The following SNED1 variants were observed in gnomAD, a reference collection of about 807,000 sequenced individuals.
The protein encoded by SNED1 is sushi, nidogen and EGF-like domain-containing protein 1.
SNED1 carries 81 observed loss-of-function variants against 166.7 expected under a neutral mutation model. The ratio of observed to expected loss-of-function variants is 0.49; its 90% CI spans 0.41 to 0.58. The LOEUF is 0.58. SNED1 is among the 20% of genes least tolerant of loss of function. The pLI, the probability that SNED1 is intolerant of heterozygous loss-of-function variation, is 0.00. For missense variants in SNED1, 1,604 were observed against 2,000.2 expected, an observed-to-expected ratio of 0.80 and a Z score of 3.78; for synonymous variants, 762 against 822.0, an observed-to-expected ratio of 0.93 and a Z score of 1.25.
chr2:241,027,253 G>A (rs902864279), intron 1 of SNED1, among the ~76,000 whole-genome samples: 2 of 152,054 alleles, frequency 1.3e-5, no homozygotes, highest in African/African-American at 4.8e-5. Context: ...GCTAATGTTT[G>A]TATTTTTAGT....
At chr2:241,007,885 G>A (rs1212879275) in intron 1 of SNED1, among the ~76,000 whole-genome samples, 1 of 152,198 alleles carries the variant, frequency 6.6e-6, no homozygotes, top group Non-Finnish European at 1.5e-5. Flanking sequence ...ATGTGTGTCT[G>A]TCCTACACGG....
At position 241,094,363 on chromosome 2, in the gene SNED1, G is replaced by T. The variant is rs372510670; in HGVS notation, c.*2727G>T. The T allele has an allele frequency of 6.2e-5, 29 of 470,752 alleles. 2 individuals carry two copies. The highest frequency in any genetic ancestry group is 2.8e-4 in the East Asian group (4 of 14,406). The allele number at this position is 470,752 out of a possible 1,614,324, so 29.2% of individuals were successfully genotyped here. ...ACTCAACTGTGGCGATGTGGACGGAGTCACCGAGCTGCTTTTCTTTTGCAA... is the reference window on the plus strand; with the variant it reads ...ACTCAACTGTGGCGATGTGGACGGATTCACCGAGCTGCTTTTCTTTTGCAA... On this transcript the variant is annotated 3_prime_UTR_variant, in exon 32 of 32. Coordinates refer to ENST00000310397, the MANE Select transcript of SNED1 (RefSeq NM_001080437.3). The surrounding 1 kb of genome is among the most constrained non-coding windows in gnomAD (Gnocchi z 4.3).
chr2:241,077,658 A>G (rs1180883390), intron 27 of SNED1, among the ~76,000 whole-genome samples: 2 of 152,192 alleles, frequency 1.3e-5, no homozygotes, highest in Non-Finnish European at 2.9e-5. Flanking sequence ...TAAACAATAA[A>G]AAGACAACCC....
intron 27 of SNED1, 46 bp from the exon 28 acceptor site, chr2:241,081,631 T>C (rs1242571581): frequency 7.2e-7 from 1 of 1,392,628 alleles, no homozygotes. Flanking sequence ...GAGGCAGGCC[T>C]GTCCTGGGGT....
chr2:241,045,191 G>T (rs962996746), intron 8 of SNED1, among the ~76,000 whole-genome samples: 1 of 152,236 alleles, frequency 6.6e-6, no homozygotes, highest in Non-Finnish European at 1.5e-5. Context: ...CATGTTCATG[G>T]ATTAGAAGAC....
intron 6 of SNED1, among the ~76,000 whole-genome samples, chr2:241,037,719 A>G (rs60715279): frequency 0.25 from 37,319 of 152,176 alleles, 6,557 homozygotes; most frequent in African/African-American, 0.5. Context: ...ACCCCCTCTC[A>G]GCCCAGGACC....
intron 24 of SNED1, among the ~76,000 whole-genome samples, chr2:241,071,132 G>A (rs1228841808): frequency 1.3e-5 from 2 of 152,196 alleles, no homozygotes; most frequent in African/African-American, 2.4e-5. Flanking sequence ...CTGTTAGGGT[G>A]ACAGATGCAC....
At chr2:241,034,971 G>A (rs1310595381) in intron 4 of SNED1, among the ~76,000 whole-genome samples, 1 of 150,180 alleles carries the variant, frequency 6.7e-6, no homozygotes, top group African/African-American at 2.5e-5. Context: ...ACCCTCTGGA[G>A]ACTGTGCCCT....
In SNED1 at chr2:241,049,074, C is replaced by T. The variant is rs2061749183; in HGVS notation, c.1557C>T (p.Tyr519=). 1 of 1,613,592 alleles carries T rather than the reference C, an allele frequency of 6.2e-7. No homozygotes were observed. The highest frequency in any genetic ancestry group is 1.3e-5 in the African/African-American group (1 of 74,936). The change falls in exon 11 of 32, where the codon TAC becomes TAT. Residue 519 remains tyrosine (Y), a synonymous_variant. Transcript: ENST00000310397. ...ACACACAGTGCCCAGATGGGGGCTA[C>T]TGCATGGAGCACGGCGGGAGCTACC... The part of the protein sequence containing the change: ...NMNTQCPDGG[Y]CMEHGGSYLC...
At position 241,064,014 on chromosome 2, in the gene SNED1, G is replaced by T. The variant is rs1448972273; in HGVS notation, c.2488G>T (p.Val830Leu). The change falls in exon 19 of 32, where the codon GTG becomes TTG. Residue 830 changes from valine (V) to leucine (L), a missense_variant and splice_region_variant. By Grantham distance (32) the Val-to-Leu change is conservative. This residue lies in a region of SNED1 where 1,237 missense variants were observed against 1,620.8 expected (regional missense o/e 0.76). Transcript: ENST00000310397. The surrounding 1 kb of genome is among the most constrained non-coding windows in gnomAD (Gnocchi z 7.0). The part of the protein sequence containing the change: ...GFVGVHCETE[V>L]DACDSSPCQH... The stretch of plus-strand genomic sequence containing the variant: ...CCCACTCTCTGGGTGTTCTCCAGAG[G>T]TGGACGCCTGCGACTCCAGCCCCTG... The T allele has an allele frequency of 5.2e-6, 8 of 1,552,162 alleles. No individual in the cohort carries two copies. The highest frequency in any genetic ancestry group is 7.0e-6 in the Non-Finnish European group (8 of 1,148,112).
At chr2:241,022,561 C>G (rs2060804935) in intron 1 of SNED1, among the ~76,000 whole-genome samples, 1 of 152,182 alleles carries the variant, frequency 6.6e-6, no homozygotes, top group South Asian at 2.1e-4. Context: ...CAGCCTACCT[C>G]TCACTACTCA....
Position 241,049,900 on chromosome 2 carries a change from C to T in SNED1, c.1702C>T (p.Pro568Ser). Residue 568 changes from proline (P) to serine (S), a missense_variant, in exon 12 of 32, where the codon CCG becomes TCG. This residue lies in a region of SNED1 where 1,237 missense variants were observed against 1,620.8 expected (regional missense o/e 0.76). Coordinates refer to ENST00000310397, the MANE Select transcript of SNED1 (RefSeq NM_001080437.3). ...TGACGACTCCTACACCTGCGAGTGC[C>T]CGCGCGGGTTCCACGGCAAGCACTG... ...AHDDSYTCEC[P>S]RGFHGKHCEK... 6.2e-7 allele frequency: 1 copy of T among 1,613,758 alleles called. No homozygotes were observed. Among genetic ancestry groups the T allele is most frequent in the Non-Finnish European group, 8.5e-7 (1 of 1,179,736 alleles).
intron 1 of SNED1, among the ~76,000 whole-genome samples, chr2:241,009,125 C>T (rs1009649874): frequency 2.6e-5 from 4 of 152,172 alleles, no homozygotes; most frequent in African/African-American, 9.7e-5. Context: ...GGGGACAGAC[C>T]AGGTTTGCAT....
intron 16 of SNED1, among the ~76,000 whole-genome samples, chr2:241,061,216 C>A (rs2062219397): frequency 6.6e-6 from 1 of 151,904 alleles, no homozygotes; most frequent in East Asian, 1.9e-4. Flanking sequence ...AAAAAACATG[C>A]ATAGGCATTT....
At position 241,051,092 on chromosome 2, in the gene SNED1, A is replaced by C. The variant is rs2125100242; in HGVS notation, c.1736-652A>C. 6.6e-6 allele frequency among the ~76,000 whole-genome samples: 1 copy of C among 152,264 alleles called. No individual in the cohort carries two copies. Among genetic ancestry groups the C allele is most frequent in the African/African-American group, 2.4e-5 (1 of 41,558 alleles). On this transcript the variant is annotated intron_variant, in intron 12 of 31. Coordinates refer to ENST00000310397, the MANE Select transcript of SNED1 (RefSeq NM_001080437.3). The surrounding 1 kb of genome is among the most constrained non-coding windows in gnomAD (Gnocchi z 4.7). ...GATGGCTGGCAGGAGAGGAGCGAGC[A>C]CAGTGGGGCAGGCCCCTCCCGCCAC...
At chr2:241,017,809 G>A (rs59151428) in intron 1 of SNED1, among the ~76,000 whole-genome samples, 15,765 of 152,226 alleles carry the variant, frequency 0.1, 1,033 homozygotes, top group East Asian at 0.17. Context: ...GCAGAGCCCC[G>A]TAGGTCTAAT....
intron 24 of SNED1, 83 bp downstream of exon 24, chr2:241,070,284 G>A: frequency 7.1e-7 from 1 of 1,404,604 alleles, no homozygotes; most frequent in Non-Finnish European, 9.5e-7. Flanking sequence ...GGCCCTGCAG[G>A]GGCCTGGGAT....
rs1380145763 is a variant in SNED1 at position 241,052,392 on chromosome 2, G to C, written c.2007G>C (p.Gly669=). ...GCTTCCGGAGCCCGTGTGTGAATGG[G>C]GGCACCTGCGAGGACCGGGACACGG... ...SPCFRSPCVN[G]GTCEDRDTDF... Residue 669 remains glycine, a synonymous_variant, in exon 15 of 32, where the codon GGG becomes GGC. Transcript: ENST00000310397. The C allele has an allele frequency of 6.3e-7, 1 of 1,594,068 alleles. No homozygotes were observed. The highest frequency in any genetic ancestry group is 1.7e-4 in the Middle Eastern group (1 of 5,922).
At chr2:241,090,118 C>T (rs1420553016) in intron 31 of SNED1, 22 of 1,489,454 alleles carry the variant, frequency 1.5e-5, no homozygotes, top group African/African-American at 2.8e-5. Context: ...CTTTTTAACT[C>T]TTTTTAATAA....
Sources: allele counts gnomAD v4.1 joint callset (sites outside exome capture counted in the v4.1 genomes callset), GRCh38; gene constraint gnomAD v4.1.1; regional missense constraint gnomAD v4.1.1; non-coding constraint Gnocchi (gnomAD v3.1); transcripts MANE v1.5; gene names NCBI Gene and HGNC (gene_info 2026-07-23, HGNC 2026-07-21).